TMPRSS15: variants seen among roughly 807,000 people sequenced by gnomAD.
The protein encoded by TMPRSS15 is transmembrane serine protease 15, also known as enteropeptidase.
Under a neutral mutation model 125.3 loss-of-function variants are expected in TMPRSS15, and 128 were observed. That is an observed-to-expected ratio of 1.02 (90% CI 0.89 to 1.18). TMPRSS15 has a LOEUF of 1.18. Ranked by LOEUF, TMPRSS15 falls within the 50% of genes most tolerant of loss-of-function variation. TMPRSS15 has a pLI of 0.00. For synonymous variants in TMPRSS15, 446 were observed against 423.2 expected (o/e 1.05, Z -0.66); for missense variants, 1,283 against 1,212.7 (o/e 1.06, Z -0.86).
intron 3 of TMPRSS15, among the ~76,000 whole-genome samples, chr21:18,397,465 C>T (rs1035325168): frequency 1.3e-5 from 2 of 152,138 alleles, no homozygotes; most frequent in African/African-American, 4.8e-5. Flanking sequence ...ACCTACTTTA[C>T]TTTAAGCAAT....
At chr21:18,408,166 A>G (rs530039307), upstream of TMPRSS15, among the ~76,000 whole-genome samples, 3 of 152,328 alleles carry the variant, frequency 2.0e-5, no homozygotes, top group East Asian at 3.9e-4. Flanking sequence ...CAAACAGACC[A>G]TGTGCACAAC....
intron 1 of TMPRSS15, among the ~76,000 whole-genome samples, chr21:18,412,763 C>A (rs190052173): frequency 1.3e-4 from 20 of 152,204 alleles, no homozygotes; most frequent in African/African-American, 4.8e-4. Flanking sequence ...GGTCCATTAA[C>A]ATTAAAAATA....
chr21:18,366,757 A>G (rs1013349864), intron 6 of TMPRSS15, among the ~76,000 whole-genome samples: 2 of 152,126 alleles, frequency 1.3e-5, no homozygotes, highest in Non-Finnish European at 2.9e-5. Flanking sequence ...CTTCATACGG[A>G]GAAACATTAA....
rs749923449 is a variant in TMPRSS15 at position 18,403,566 on chromosome 21, G to C, written c.57C>G (p.Ile19Met). 1 of 1,614,038 alleles carries C rather than the reference G, an allele frequency of 6.2e-7. No individual in the cohort carries two copies. The highest frequency in any genetic ancestry group is 1.3e-5 in the African/African-American group (1 of 74,940). ...ATATGGCAAAGAGAGCTGCAAACAT[G>C]ATTTCATAGGAGCTGAGAGAATGAT... ...SRHHSLSSYE[I>M]MFAALFAILV... is the part of the protein sequence containing the mutation. Residue 19 changes from isoleucine to methionine, a missense_variant, in exon 1 of 25, where the codon ATC (isoleucine) becomes ATG (methionine). Physicochemically the swap from Ile to Met is conservative, Grantham distance 10. Transcript: ENST00000284885.
chr21:18,313,209 T>A, intron 17 of TMPRSS15, 132 bp from the exon 18 acceptor site: 1 of 730,174 alleles, frequency 1.4e-6, no homozygotes, highest in South Asian at 1.5e-5. Context: ...TGCACAGCAC[T>A]GTGACTATAG....
At chr21:18,323,240 G>A (rs569236761) in intron 16 of TMPRSS15, among the ~76,000 whole-genome samples, 109 of 152,234 alleles carry the variant, frequency 7.2e-4, no homozygotes, top group African/African-American at 2.5e-3. Context: ...TTGTTCTCAT[G>A]CTGCTAATAA....
At chr21:18,478,388 A>C (rs8131554) in intron 1 of TMPRSS15, among the ~76,000 whole-genome samples, 89,507 of 151,774 alleles carry the variant, frequency 0.59, 27,192 homozygotes, top group East Asian at 0.93. Context: ...ACAACTTTTC[A>C]TTTTGGAATT....
chr21:18,474,382 T>C (rs9985122), intron 1 of TMPRSS15, among the ~76,000 whole-genome samples: 93,692 of 151,580 alleles, frequency 0.62, 30,479 homozygotes, highest in East Asian at 0.89. Flanking sequence ...CCTTCGCCTC[T>C]TGGGTTCAAG....
At chr21:18,454,486 G>T (rs150413089) in intron 1 of TMPRSS15, among the ~76,000 whole-genome samples, 9 of 152,092 alleles carry the variant, frequency 5.9e-5, no homozygotes, top group African/African-American at 2.2e-4. Context: ...GAGAAGTCCC[G>T]TGATATGCCA....
At chr21:18,415,948 A>G (rs548177033) in intron 1 of TMPRSS15, among the ~76,000 whole-genome samples, 1 of 152,222 alleles carries the variant, frequency 6.6e-6, no homozygotes, top group East Asian at 1.9e-4. Flanking sequence ...CAAATTGAGT[A>G]AATATGCAGG....
intron 1 of TMPRSS15, among the ~76,000 whole-genome samples, chr21:18,436,277 A>G (rs1249972941): frequency 6.6e-6 from 1 of 151,750 alleles, no homozygotes; most frequent in Non-Finnish European, 1.5e-5. Flanking sequence ...TTAGTGCTAT[A>G]AATTTCCCTC....
intron 16 of TMPRSS15, 145 bp downstream of exon 16, chr21:18,326,287 G>T: frequency 7.9e-7 from 1 of 1,258,592 alleles, no homozygotes; most frequent in Non-Finnish European, 1.1e-6. Context: ...ATGTAAAGGA[G>T]GAAAAATCAT....
At chr21:18,438,851 G>T (rs2076235102) in intron 1 of TMPRSS15, among the ~76,000 whole-genome samples, 1 of 152,166 alleles carries the variant, frequency 6.6e-6, no homozygotes, top group Non-Finnish European at 1.5e-5. Flanking sequence ...AATTTATGTA[G>T]ATTTAATTAA....
intron 19 of TMPRSS15, among the ~76,000 whole-genome samples, chr21:18,295,075 A>G (rs1340782072): frequency 6.6e-6 from 1 of 152,216 alleles, no homozygotes; most frequent in Admixed American, 6.5e-5. Context: ...AACACAGAGT[A>G]TGCCTCAGTA....
intron 1 of TMPRSS15, among the ~76,000 whole-genome samples, chr21:18,408,915 T>C (rs987970107): frequency 6.6e-6 from 1 of 152,116 alleles, no homozygotes; most frequent in Non-Finnish European, 1.5e-5. Flanking sequence ...TTTATTGTTA[T>C]AAAATAAAAG....
chr21:18,446,677 C>T (rs1179986012), intron 1 of TMPRSS15, among the ~76,000 whole-genome samples: 3 of 152,074 alleles, frequency 2.0e-5, no homozygotes, highest in African/African-American at 7.2e-5. Flanking sequence ...GCACGGAAAA[C>T]ACACATTAAG....
chr21:18,283,440 T>C (rs1378835501), intron 21 of TMPRSS15, among the ~76,000 whole-genome samples: 2 of 152,096 alleles, frequency 1.3e-5, no homozygotes, highest in Non-Finnish European at 2.9e-5. Flanking sequence ...TACTATACCG[T>C]ATGTTTTGTG....
At chr21:18,440,170 T>C (rs112838364) in intron 1 of TMPRSS15, among the ~76,000 whole-genome samples, 17,253 of 150,932 alleles carry the variant, frequency 0.11, 1,104 homozygotes, top group African/African-American at 0.15. Context: ...GTCAGGAGAT[T>C]GAGACCATCC....
chr21:18,483,678 A>G (rs182728281), intron 1 of TMPRSS15, among the ~76,000 whole-genome samples: 11 of 151,982 alleles, frequency 7.2e-5, no homozygotes, highest in Non-Finnish European at 1.2e-4. Flanking sequence ...TTATTTCAAC[A>G]TTTTTCCTTG....
Sources: allele counts gnomAD v4.1 joint callset (sites outside exome capture counted in the v4.1 genomes callset), GRCh38; gene constraint gnomAD v4.1.1; transcripts MANE v1.5; gene names NCBI Gene and HGNC (gene_info 2026-07-23, HGNC 2026-07-21).